Variants in OPCML observed in about 807,000 individuals in gnomAD.
OPCML encodes the protein opioid-binding protein/cell adhesion molecule.
Under a neutral mutation model 37.8 loss-of-function variants are expected in OPCML, and 13 were observed. The observed-to-expected ratio is 0.34, with a 90% CI of 0.22 to 0.55. The LOEUF (loss-of-function observed/expected upper bound fraction) is 0.55, where lower values mean the gene tolerates loss of function less well. OPCML is among the 20% of genes least tolerant of loss of function. The pLI is 0.91. For missense variants in OPCML, 341 were observed against 435.6 expected (o/e 0.78, Z 1.93); for synonymous variants, 176 against 168.8 (o/e 1.04, Z -0.33).
intron 2 of OPCML, among the ~76,000 whole-genome samples, chr11:132,733,108 A>G (rs1474957052): frequency 6.6e-6 from 1 of 152,192 alleles, no homozygotes; most frequent in Non-Finnish European, 1.5e-5. Flanking sequence ...CAAACACACA[A>G]AAAGATAAAA....
chr11:133,265,946 T>A (rs1385522089), intron 1 of OPCML, among the ~76,000 whole-genome samples: 1 of 152,062 alleles, frequency 6.6e-6, no homozygotes, highest in Non-Finnish European at 1.5e-5. Flanking sequence ...TCCCAACAAC[T>A]TCACTGTGAA....
chr11:132,722,081 G>A lies in OPCML; in HGVS notation c.147-64762C>T, dbSNP rs1008748816. On this transcript the variant is annotated intron_variant, in intron 2 of 7. Coordinates refer to ENST00000524381, the MANE Select transcript of OPCML (RefSeq NM_001012393.5). The stretch of plus-strand genomic sequence containing the variant: ...TGCCATTCTCCTGCCTCAGCCTCCC[G>A]AGTAGCTGGGACTACAGACACCCAC... Among the ~76,000 whole-genome samples the A allele has an allele frequency of 1.4e-4, 20 of 143,006 alleles. No individual in the cohort carries two copies. The South Asian group carries it at 4.8e-3, about 34-fold the overall frequency. 93.8% of individuals were successfully genotyped at this position (143,006 alleles called of 152,430 possible). A position where few individuals can be genotyped will look rare whatever the true frequency, so the allele number is the denominator to read the frequency against.
At chr11:133,121,178 C>G (rs986692068) in intron 1 of OPCML, among the ~76,000 whole-genome samples, 1 of 152,118 alleles carries the variant, frequency 6.6e-6, no homozygotes, top group African/African-American at 2.4e-5. Flanking sequence ...CTTGGGCGCC[C>G]AAAGTGCTGA....
chr11:132,577,718 C>T (rs1354531640), intron 3 of OPCML, among the ~76,000 whole-genome samples: 1 of 152,168 alleles, frequency 6.6e-6, no homozygotes, highest in Non-Finnish European at 1.5e-5. Flanking sequence ...TTAGTAAACA[C>T]CACCTCTGCT....
intron 1 of OPCML, among the ~76,000 whole-genome samples, chr11:133,019,640 C>T (rs189228540): frequency 1.2e-4 from 18 of 152,314 alleles, no homozygotes; most frequent in African/African-American, 3.6e-4. Context: ...CCTTCCTAGA[C>T]TACAACATCT....
At chr11:133,356,481 A>C (rs758775370) in intron 1 of OPCML, among the ~76,000 whole-genome samples, 2 of 152,174 alleles carry the variant, frequency 1.3e-5, no homozygotes, top group Non-Finnish European at 2.9e-5. Context: ...CGTGTGAGAA[A>C]GTAGGAGCCA....
chr11:132,480,412 T>C (rs2508984), intron 4 of OPCML, among the ~76,000 whole-genome samples: 76,611 of 152,044 alleles, frequency 0.5, 20,143 homozygotes, highest in East Asian at 0.81. Flanking sequence ...CTGAAAGTGA[T>C]GGGGAGAATG....
At chr11:133,299,003 G>T (rs1942709600) in intron 1 of OPCML, 1 of 151,912 alleles carries the variant, frequency 6.6e-6, no homozygotes, top group African/African-American at 2.4e-5. Context: ...AAAAAAAAAT[G>T]AAAGGGGACT....
chr11:132,817,727 G>A (rs1939712999), intron 2 of OPCML, among the ~76,000 whole-genome samples: 1 of 151,786 alleles, frequency 6.6e-6, no homozygotes, highest in Non-Finnish European at 1.5e-5. Flanking sequence ...TATATATTTA[G>A]ACTGTAATGA....
intron 3 of OPCML, among the ~76,000 whole-genome samples, chr11:132,649,859 A>G (rs1334728888): frequency 1.3e-5 from 2 of 151,924 alleles, no homozygotes; most frequent in Non-Finnish European, 2.9e-5. Flanking sequence ...TCTGCTTAGG[A>G]ACTAAGACAT....
chr11:133,279,267 C>T lies in OPCML; in HGVS notation c.61+252997G>A, dbSNP rs184853359. Among the ~76,000 whole-genome samples the T allele has an allele frequency of 1.7e-3, 252 of 152,256 alleles. 2 individuals carry two copies. Among genetic ancestry groups the T allele is most frequent in the African/African-American group, 5.8e-3 (239 of 41,548 alleles). On this transcript the variant is annotated intron_variant, in intron 1 of 7. Coordinates refer to ENST00000524381, the MANE Select transcript of OPCML (RefSeq NM_001012393.5). ...CATCATGTTGTGGTTAAATGATCCCCGGTGCTCTGATCCTCTCAGAATAGG... is the reference window on the plus strand; with the variant it reads ...CATCATGTTGTGGTTAAATGATCCCTGGTGCTCTGATCCTCTCAGAATAGG...
intron 1 of OPCML, among the ~76,000 whole-genome samples, chr11:133,389,504 A>G (rs759453661): frequency 1.1e-4 from 17 of 152,230 alleles, no homozygotes; most frequent in Non-Finnish European, 2.1e-4. Context: ...TGAGATTTTT[A>G]TTAAAATAAA....
At chr11:133,003,353 C>G (rs971762859) in intron 1 of OPCML, among the ~76,000 whole-genome samples, 1 of 152,148 alleles carries the variant, frequency 6.6e-6, no homozygotes, top group African/African-American at 2.4e-5. Context: ...GGCTGCCCCA[C>G]CCCCTTCACT....
chr11:133,083,158 G>A (rs190039190), intron 1 of OPCML, among the ~76,000 whole-genome samples: 5 of 151,846 alleles, frequency 3.3e-5, no homozygotes, highest in Admixed American at 1.3e-4. Flanking sequence ...ACACACACAC[G>A]CACACACCCC....
chr11:132,817,698 G>T (rs930607229), intron 2 of OPCML, among the ~76,000 whole-genome samples: 2 of 152,070 alleles, frequency 1.3e-5, no homozygotes, highest in Non-Finnish European at 2.9e-5. Flanking sequence ...AGAGGCAAAA[G>T]GGAGGGATTA....
At chr11:132,839,159 C>T (rs939271988) in intron 2 of OPCML, among the ~76,000 whole-genome samples, 5 of 152,176 alleles carry the variant, frequency 3.3e-5, no homozygotes, top group Admixed American at 2.0e-4. Flanking sequence ...TTTTCATCAC[C>T]TTCATAGCCT....
At chr11:132,942,163 T>A (rs2136672616) in intron 2 of OPCML, among the ~76,000 whole-genome samples, 1 of 152,296 alleles carries the variant, frequency 6.6e-6, no homozygotes, top group South Asian at 2.1e-4. Context: ...GCATTTTTAT[T>A]AAAGTATCTG....
At chr11:132,498,251 T>G (rs1165014648) in intron 4 of OPCML, among the ~76,000 whole-genome samples, 2 of 152,182 alleles carry the variant, frequency 1.3e-5, no homozygotes, top group African/African-American at 4.8e-5. Context: ...GAAATAAAAC[T>G]TGAAGATTTT....
At chr11:132,906,519 T>C (rs1944246994) in intron 2 of OPCML, among the ~76,000 whole-genome samples, 1 of 152,088 alleles carries the variant, frequency 6.6e-6, no homozygotes, top group Admixed American at 6.5e-5. Flanking sequence ...GTAGGCACCA[T>C]ATTAACAGGG....
Sources: gnomAD v4.1 joint callset for allele counts (sites outside exome capture counted in the v4.1 genomes callset) on GRCh38, gnomAD v4.1.1 for gene constraint, MANE v1.5 for transcripts, NCBI Gene and HGNC (gene_info 2026-07-23, HGNC 2026-07-21) for gene names.